The following PCDH9 variants were observed in gnomAD, a reference collection of about 807,000 sequenced individuals.
The protein encoded by PCDH9 is protocadherin-9.
A neutral mutation model predicts 70.6 loss-of-function variants in PCDH9; 24 were observed. That is an observed-to-expected ratio of 0.34 (90% CI 0.25 to 0.48). The LOEUF is 0.48. Ranked by LOEUF, PCDH9 falls within the 20% of genes least tolerant of loss-of-function variation. The pLI is 0.99. For missense variants in PCDH9, 1,281 were observed against 1,503.6 expected, an observed-to-expected ratio of 0.85 and a Z score of 2.45; for synonymous variants, 562 against 558.5, an observed-to-expected ratio of 1.01 and a Z score of -0.09.
chr13:66,906,548 C>T (rs1332761513), intron 2 of PCDH9, among the ~76,000 whole-genome samples: 1 of 152,082 alleles, frequency 6.6e-6, no homozygotes, highest in African/African-American at 2.4e-5. Context: ...CATTGTGATG[C>T]CCAGTTAAGT....
chr13:66,815,791 G>A (rs1402945084), intron 3 of PCDH9, among the ~76,000 whole-genome samples: 1 of 151,954 alleles, frequency 6.6e-6, no homozygotes, highest in Admixed American at 6.6e-5. Flanking sequence ...GGTGAGGATC[G>A]AAAAAAACTA....
chr13:66,434,913 G>GA (rs1358106856), intron 4 of PCDH9, among the ~76,000 whole-genome samples: 2 of 152,070 alleles, frequency 1.3e-5, no homozygotes, highest in South Asian at 2.1e-4. Flanking sequence ...ATAGAGTGTG[G>GA]AAAAAACATT....
chr13:66,962,340 G>A (rs1419797877), intron 2 of PCDH9, among the ~76,000 whole-genome samples: 1 of 152,202 alleles, frequency 6.6e-6, no homozygotes, highest in Non-Finnish European at 1.5e-5. Flanking sequence ...AACTGAATGA[G>A]TTAGAACAGC....
intron 3 of PCDH9, among the ~76,000 whole-genome samples, chr13:66,672,241 T>C (rs2078185089): frequency 6.6e-6 from 1 of 152,240 alleles, no homozygotes; most frequent in Non-Finnish European, 1.5e-5. Flanking sequence ...AAAACTTCCA[T>C]TTGTAGTTTT....
chr13:66,357,264 CA>C (rs1324144144), intron 4 of PCDH9, among the ~76,000 whole-genome samples: 1 of 151,962 alleles, frequency 6.6e-6, no homozygotes, highest in Non-Finnish European at 1.5e-5. Flanking sequence ...GTGGCATTTA[CA>C]TCAGGAGGCG....
chr13:67,004,569 AAAG>A, intron 2 of PCDH9, among the ~76,000 whole-genome samples: 1 of 88,128 alleles, frequency 1.1e-5, no homozygotes, highest in Admixed American at 1.2e-4. Flanking sequence ...AAAAAAAAAG[AAAG>A]AAAGAAAGAA....
At chr13:66,820,257 T>G (rs1857401879) in intron 3 of PCDH9, among the ~76,000 whole-genome samples, 5 of 152,184 alleles carry the variant, frequency 3.3e-5, no homozygotes. Context: ...TAAATACTAC[T>G]GCAAGATAAA....
chr13:66,862,812 T>C (rs2081506151), intron 3 of PCDH9, among the ~76,000 whole-genome samples: 1 of 152,158 alleles, frequency 6.6e-6, no homozygotes, highest in African/African-American at 2.4e-5. Context: ...ATTCTGTATA[T>C]TGTCATTTTA....
intron 3 of PCDH9, among the ~76,000 whole-genome samples, chr13:66,733,481 C>T (rs1411199760): frequency 6.6e-6 from 1 of 152,120 alleles, no homozygotes; most frequent in African/African-American, 2.4e-5. Flanking sequence ...GACAAGAATT[C>T]ATTCCCTAGT....
intron 3 of PCDH9, among the ~76,000 whole-genome samples, chr13:66,770,867 G>T (rs1048873498): frequency 1.2e-4 from 19 of 152,062 alleles, no homozygotes; most frequent in Non-Finnish European, 2.1e-4. Flanking sequence ...CACAAATATG[G>T]TCACTGATAA....
At chr13:66,775,620 T>C (rs1012830197) in intron 3 of PCDH9, among the ~76,000 whole-genome samples, 4 of 152,170 alleles carry the variant, frequency 2.6e-5, no homozygotes, top group Admixed American at 6.5e-5. Context: ...TAACCGATAA[T>C]AAATATACTC....
intron 3 of PCDH9, among the ~76,000 whole-genome samples, chr13:66,748,405 AAAGG>A (rs1412012789): frequency 6.6e-6 from 1 of 152,230 alleles, no homozygotes; most frequent in African/African-American, 2.4e-5. Flanking sequence ...ACCAAATCAA[AAAGG>A]AAGGTTTAGG....
intron 2 of PCDH9, chr13:67,215,803 A>C (rs2089587916): frequency 6.6e-6 from 1 of 152,178 alleles, no homozygotes; most frequent in South Asian, 2.1e-4. Context: ...AGGTTGCATC[A>C]AAATTTACTG....
rs547604781 is a variant in PCDH9 at position 67,096,777 on chromosome 13, G to A, written c.3036+128628C>T. On this transcript the variant is annotated intron_variant, in intron 2 of 4. Coordinates refer to ENST00000377865, the MANE Select transcript of PCDH9 (RefSeq NM_203487.3). ...ACTCTGGTGGAGGATGGTGATGGGG[G>A]GAAACTGCATGTGTGAGGGCGAGAT... Among the ~76,000 whole-genome samples, 27 of 152,022 alleles carry A rather than the reference G, an allele frequency of 1.8e-4. No individual in the cohort carries two copies. The East Asian group carries it at 4.8e-3, about 27-fold the overall frequency.
chr13:66,818,722 G>A (rs1043847350), intron 3 of PCDH9, among the ~76,000 whole-genome samples: 11 of 152,024 alleles, frequency 7.2e-5, no homozygotes, highest in Admixed American at 3.3e-4. Flanking sequence ...CACGAGGTCA[G>A]GAGATCGAGA....
At chr13:66,476,755 A>G (rs752562136) in intron 4 of PCDH9, among the ~76,000 whole-genome samples, 4 of 152,016 alleles carry the variant, frequency 2.6e-5, no homozygotes, top group Non-Finnish European at 5.9e-5. Flanking sequence ...TTGTTTTAGT[A>G]TCACAAACCA....
Position 67,180,317 on chromosome 13 carries a change from C to T in PCDH9, c.3036+45088G>A, listed in dbSNP as rs531527209. ...CACAAATGCAATCTGTAGGCTATGT[C>T]GCTAGCGCCAATTTTGAGGATTTTT... is the stretch of plus-strand genomic sequence containing the variant. On this transcript the variant is annotated intron_variant, in intron 2 of 4. Transcript: ENST00000377865. 2.2e-4 allele frequency among the ~76,000 whole-genome samples: 33 copies of T among 152,020 alleles called. No individual in the cohort carries two copies. The South Asian group carries it at 6.0e-3, about 28-fold the overall frequency.
chr13:66,898,380 A>G (rs575521173), intron 3 of PCDH9, among the ~76,000 whole-genome samples: 7 of 152,112 alleles, frequency 4.6e-5, no homozygotes, highest in African/African-American at 1.7e-4. Context: ...GTAAATATCT[A>G]TTAATTGTAA....
At chr13:66,802,646 A>T (rs1168686819) in intron 3 of PCDH9, among the ~76,000 whole-genome samples, 1 of 152,258 alleles carries the variant, frequency 6.6e-6, no homozygotes, top group Middle Eastern at 3.4e-3. Flanking sequence ...TTCTCTCACA[A>T]GAGCCATTAA....
Sources: gnomAD v4.1 joint callset for allele counts (sites outside exome capture counted in the v4.1 genomes callset) on GRCh38, gnomAD v4.1.1 for gene constraint, MANE v1.5 for transcripts, NCBI Gene and HGNC (gene_info 2026-07-23, HGNC 2026-07-21) for gene names.